The following SND1 variants were observed in gnomAD, a reference collection of about 807,000 sequenced individuals.
The protein encoded by SND1 is staphylococcal nuclease and tudor domain containing 1.
SND1 carries 38 observed loss-of-function variants against 121.7 expected under a neutral mutation model. That is an observed-to-expected ratio of 0.31 (90% CI 0.24 to 0.41). The LOEUF is 0.41. Ranked by LOEUF, SND1 falls within the 10% of genes least tolerant of loss-of-function variation. The pLI is 1.00. For synonymous variants in SND1, 401 were observed against 447.4 expected (o/e 0.90, Z 1.31); for missense variants, 868 against 1,184.6 (o/e 0.73, Z 3.92).
intron 10 of SND1, among the ~76,000 whole-genome samples, chr7:127,765,480 G>A (rs1475898740): frequency 6.6e-6 from 1 of 152,184 alleles, no homozygotes; most frequent in African/African-American, 2.4e-5. Context: ...TCACAGAATC[G>A]TGTGGCAACA....
chr7:128,088,937 A>T (rs1793730267), intron 21 of SND1, among the ~76,000 whole-genome samples: 1 of 152,170 alleles, frequency 6.6e-6, no homozygotes, highest in African/African-American at 2.4e-5. Context: ...AGGGTAGGAA[A>T]GAAAGGGGTC....
At chr7:127,936,506 T>C (rs960834427) in intron 15 of SND1, among the ~76,000 whole-genome samples, 2 of 152,196 alleles carry the variant, frequency 1.3e-5, no homozygotes, top group Non-Finnish European at 2.9e-5. Context: ...ATTATTTGGC[T>C]CTCAAGTCAT....
chr7:127,655,960 G>A (rs954701364), intron 1 of SND1, among the ~76,000 whole-genome samples: 2 of 152,144 alleles, frequency 1.3e-5, no homozygotes, highest in African/African-American at 2.4e-5. Context: ...TGGTGTGGAA[G>A]GCTGAAGGGA....
chr7:128,065,894 C>T (rs943004051), intron 16 of SND1, among the ~76,000 whole-genome samples: 3 of 152,156 alleles, frequency 2.0e-5, no homozygotes, highest in Admixed American at 6.5e-5. Context: ...AAGATGGGTC[C>T]GGGACAGAAT....
At chr7:128,032,608 G>C (rs1792661387) in intron 16 of SND1, among the ~76,000 whole-genome samples, 1 of 151,978 alleles carries the variant, frequency 6.6e-6, no homozygotes, top group Non-Finnish European at 1.5e-5. Context: ...CCCGCGGCGG[G>C]GCTGCTGCAT....
intron 1 of SND1, among the ~76,000 whole-genome samples, chr7:127,661,612 C>G (rs779750258): frequency 2.6e-5 from 4 of 152,114 alleles, no homozygotes; most frequent in African/African-American, 7.2e-5. Flanking sequence ...AAATAATTCT[C>G]AGGTCTTACG....
At chr7:128,032,434 A>T (rs1372813980) in intron 16 of SND1, among the ~76,000 whole-genome samples, 1 of 151,310 alleles carries the variant, frequency 6.6e-6, no homozygotes, top group African/African-American at 2.4e-5. Context: ...CGCAAGTCGC[A>T]GGCGTTCGCA....
At chr7:128,053,238 T>C (rs1382573827) in intron 16 of SND1, among the ~76,000 whole-genome samples, 1 of 152,242 alleles carries the variant, frequency 6.6e-6, no homozygotes, top group African/African-American at 2.4e-5. Context: ...GTAAGCCAAA[T>C]AGCTGCTTCT....
intron 12 of SND1, among the ~76,000 whole-genome samples, chr7:127,875,606 A>G (rs187151761): frequency 3.2e-4 from 49 of 152,288 alleles, no homozygotes; most frequent in Admixed American, 3.0e-3. Flanking sequence ...GCTTCTAATC[A>G]TGGCTCTGCC....
chr7:127,928,116 A>T (rs1194010584), intron 14 of SND1: 1 of 152,240 alleles, frequency 6.6e-6, no homozygotes, highest in Non-Finnish European at 1.5e-5. Flanking sequence ...GAGTTCTGAG[A>T]GTCGAAATGT....
In SND1 at chr7:127,833,639, C is replaced by T. The variant is rs538333790; in HGVS notation, c.1243-10685C>T. Among the ~76,000 whole-genome samples the T allele has an allele frequency of 2.8e-4, 43 of 152,056 alleles. 1 individual carries two copies. Among genetic ancestry groups the T allele is most frequent in the African/African-American group, 8.9e-4 (37 of 41,454 alleles). Reference sequence around the variant, plus strand: ...GGGTTCAGAGTTGCCTCGCTCCTGCCGCTGTTATTTACTAATGTGTGGGCA... The same window carrying T: ...GGGTTCAGAGTTGCCTCGCTCCTGCTGCTGTTATTTACTAATGTGTGGGCA... On this transcript the variant is annotated intron_variant, in intron 11 of 23. Transcript: ENST00000354725.
At chr7:127,862,518 G>C (rs1051168319) in intron 12 of SND1, among the ~76,000 whole-genome samples, 1 of 152,160 alleles carries the variant, frequency 6.6e-6, no homozygotes, top group Admixed American at 6.5e-5. Context: ...ATTGGAACTT[G>C]TTTCTTTTAA....
chr7:127,716,529 T>C (rs1796394170), intron 9 of SND1, among the ~76,000 whole-genome samples: 1 of 151,654 alleles, frequency 6.6e-6, no homozygotes, highest in African/African-American at 2.4e-5. Flanking sequence ...TTTATAGAAA[T>C]GCAGCTGATT....
At chr7:128,035,145 G>T (rs1170637615) in intron 16 of SND1, among the ~76,000 whole-genome samples, 1 of 152,212 alleles carries the variant, frequency 6.6e-6, no homozygotes, top group Non-Finnish European at 1.5e-5. Flanking sequence ...CTAAGATTGG[G>T]ATACCTGAGT....
rs192338329 is a variant in SND1, at chr7:127,766,030, C to T, written c.1153-41454C>T. On this transcript the variant is annotated intron_variant, in intron 10 of 23. Coordinates refer to ENST00000354725, the MANE Select transcript of SND1 (RefSeq NM_014390.4). Reference sequence around the variant, plus strand: ...ACTTAATTTCTAGTGTTAACAGTGCCGAGAGGTAGGGGCTTTGGGAAAGTT... The same window carrying T: ...ACTTAATTTCTAGTGTTAACAGTGCTGAGAGGTAGGGGCTTTGGGAAAGTT... Among the ~76,000 whole-genome samples the T allele has an allele frequency of 9.5e-3, 1,444 of 152,176 alleles. 7 individuals carry two copies. The highest frequency in any genetic ancestry group is 0.024 in the Middle Eastern group (7 of 294).
intron 10 of SND1, among the ~76,000 whole-genome samples, chr7:127,734,765 G>C (rs1796743598): frequency 6.6e-6 from 1 of 152,204 alleles, no homozygotes; most frequent in Non-Finnish European, 1.5e-5. Flanking sequence ...AGGCCTTACA[G>C]TAGTCTTCTG....
chr7:127,703,048 G>GTA, intron 6 of SND1, 117 bp from the exon 7 acceptor site: 1 of 1,091,184 alleles, frequency 9.2e-7, no homozygotes, highest in Non-Finnish European at 1.4e-6. Flanking sequence ...ACTGATTTAA[G>GTA]ACCTTCCTGA....
intron 10 of SND1, among the ~76,000 whole-genome samples, chr7:127,794,582 C>T (rs1293904289): frequency 1.3e-5 from 2 of 152,228 alleles, no homozygotes; most frequent in Admixed American, 1.3e-4. Flanking sequence ...GGCTCACCCG[C>T]TCCTTCTGTC....
chr7:127,915,464 T>C (rs951656411), intron 14 of SND1, among the ~76,000 whole-genome samples: 1 of 152,228 alleles, frequency 6.6e-6, no homozygotes, highest in Non-Finnish European at 1.5e-5. Context: ...ACATTTAACA[T>C]ATGCCATCTC....
Sources: allele counts gnomAD v4.1 joint callset (sites outside exome capture counted in the v4.1 genomes callset), GRCh38; gene constraint gnomAD v4.1.1; transcripts MANE v1.5; gene names NCBI Gene and HGNC (gene_info 2026-07-23, HGNC 2026-07-21).